The following RNGTT variants were observed in gnomAD, a reference collection of about 807,000 sequenced individuals.
The protein encoded by RNGTT is RNA guanylyltransferase and 5'-phosphatase, also known as mRNA-capping enzyme.
Under a neutral mutation model 79.3 loss-of-function variants are expected in RNGTT, and 33 were observed. The observed-to-expected ratio is 0.42, with a 90% CI of 0.32 to 0.56. The LOEUF (loss-of-function observed/expected upper bound fraction) is 0.56, where lower values mean the gene tolerates loss of function less well. RNGTT is among the 20% of genes least tolerant of loss of function. The pLI is 0.17. For missense variants in RNGTT, 497 were observed against 739.1 expected, an observed-to-expected ratio of 0.67 and a Z score of 3.80; for synonymous variants, 222 against 235.9, an observed-to-expected ratio of 0.94 and a Z score of 0.54.
chr6:88,736,754 G>A (rs1374438799), intron 13 of RNGTT, among the ~76,000 whole-genome samples: 1 of 152,158 alleles, frequency 6.6e-6, no homozygotes, highest in Non-Finnish European at 1.5e-5. Flanking sequence ...CAGATACACT[G>A]CCAGTGTGAA....
At chr6:88,657,109 CA>C (rs1774008272) in intron 14 of RNGTT, among the ~76,000 whole-genome samples, 2 of 152,218 alleles carry the variant, frequency 1.3e-5, no homozygotes, top group Admixed American at 1.3e-4. Flanking sequence ...ACCAAAGAAA[CA>C]TACCAGGAAA....
intron 14 of RNGTT, among the ~76,000 whole-genome samples, chr6:88,670,223 T>A (rs368558475): frequency 1.9e-4 from 29 of 152,336 alleles, no homozygotes; most frequent in African/African-American, 6.7e-4. Context: ...TGGCATGGAT[T>A]TGATCCTGGG....
intron 8 of RNGTT, among the ~76,000 whole-genome samples, chr6:88,856,689 TTA>T (rs1375333468): frequency 6.6e-6 from 1 of 152,150 alleles, no homozygotes; most frequent in East Asian, 1.9e-4. Context: ...GCTATGATTT[TTA>T]GTTTGAACTC....
chr6:88,930,031 C>CAT (rs1316962954), intron 2 of RNGTT, among the ~76,000 whole-genome samples: 1 of 143,288 alleles, frequency 7.0e-6, no homozygotes. Context: ...CACATATATG[C>CAT]ATATATATGC....
At chr6:88,927,537 C>T (rs1784360779) in intron 4 of RNGTT, among the ~76,000 whole-genome samples, 2 of 152,076 alleles carry the variant, frequency 1.3e-5, no homozygotes, top group South Asian at 4.2e-4. Flanking sequence ...TGGCACATGC[C>T]TGTAATCCCA....
chr6:88,902,079 T>C (rs1783488724), intron 6 of RNGTT, among the ~76,000 whole-genome samples: 1 of 152,054 alleles, frequency 6.6e-6, no homozygotes, highest in African/African-American at 2.4e-5. Context: ...TCACAGCTAC[T>C]CAGGAGGCTG....
chr6:88,881,960 T>C (rs989166122), intron 8 of RNGTT, among the ~76,000 whole-genome samples: 4 of 152,206 alleles, frequency 2.6e-5, no homozygotes, highest in South Asian at 2.1e-4. Context: ...TTTGGAGACA[T>C]TTTTACTTTC....
At chr6:88,774,129 C>CA (rs1244708344) in intron 12 of RNGTT, among the ~76,000 whole-genome samples, 2 of 151,754 alleles carry the variant, frequency 1.3e-5, no homozygotes, top group African/African-American at 4.8e-5. Flanking sequence ...AACTTAACAA[C>CA]AAAAAAACCC....
chr6:88,713,169 A>AG (rs1276515753), intron 13 of RNGTT, among the ~76,000 whole-genome samples: 2 of 152,174 alleles, frequency 1.3e-5, no homozygotes, highest in African/African-American at 4.8e-5. Flanking sequence ...TCATGAGAGT[A>AG]GAATCCTCAT....
intron 13 of RNGTT, among the ~76,000 whole-genome samples, chr6:88,719,810 T>C (rs1331238547): frequency 6.6e-6 from 1 of 152,238 alleles, no homozygotes; most frequent in East Asian, 1.9e-4. Flanking sequence ...AAAGTACATA[T>C]TATCATAAAA....
intron 13 of RNGTT, among the ~76,000 whole-genome samples, chr6:88,738,344 T>C (rs941301062): frequency 2.0e-5 from 3 of 152,040 alleles, no homozygotes; most frequent in African/African-American, 7.2e-5. Context: ...GACAACTAAA[T>C]GTAATGCAGT....
At chr6:88,704,276 A>ACAAAC (rs1562206088) in intron 13 of RNGTT, among the ~76,000 whole-genome samples, 1 of 147,570 alleles carries the variant, frequency 6.8e-6, no homozygotes, top group African/African-American at 2.6e-5. Context: ...AAAAAAAAAA[A>ACAAAC]AAAAAAAAAA....
intron 14 of RNGTT, among the ~76,000 whole-genome samples, chr6:88,648,821 C>T (rs906238760): frequency 3.9e-5 from 6 of 152,308 alleles, no homozygotes; most frequent in East Asian, 3.9e-4. Flanking sequence ...AGGCATCTGA[C>T]ACATCACATC....
chr6:88,790,364 C>A (rs370765435), intron 12 of RNGTT, among the ~76,000 whole-genome samples: 2 of 152,084 alleles, frequency 1.3e-5, no homozygotes, highest in Non-Finnish European at 1.5e-5. Context: ...TCCTCCACTG[C>A]GGGCAAAAGG....
chr6:88,760,308 T>C (rs1431332676), intron 13 of RNGTT, among the ~76,000 whole-genome samples: 1 of 152,144 alleles, frequency 6.6e-6, no homozygotes, highest in African/African-American at 2.4e-5. Context: ...CAAGAGTTAC[T>C]AATACCCAAG....
intron 12 of RNGTT, among the ~76,000 whole-genome samples, chr6:88,772,228 T>C (rs1343946791): frequency 6.6e-6 from 1 of 150,974 alleles, no homozygotes; most frequent in African/African-American, 2.4e-5. Context: ...TATGTAGGAA[T>C]TAATTTAACC....
intron 8 of RNGTT, among the ~76,000 whole-genome samples, chr6:88,858,710 A>G (rs1436988961): frequency 6.6e-6 from 1 of 152,198 alleles, no homozygotes; most frequent in Non-Finnish European, 1.5e-5. Flanking sequence ...CTGATATTAA[A>G]ATTTAGACAA....
intron 14 of RNGTT, among the ~76,000 whole-genome samples, chr6:88,673,293 A>T (rs140322741): frequency 1.3e-5 from 2 of 152,356 alleles, no homozygotes; most frequent in Admixed American, 1.3e-4. Context: ...GTTATATCTC[A>T]TATTTATGAC....
At chr6:88,784,756 T>C (rs959403956) in intron 12 of RNGTT, among the ~76,000 whole-genome samples, 1 of 152,186 alleles carries the variant, frequency 6.6e-6, no homozygotes, top group African/African-American at 2.4e-5. Context: ...TAATAAACCC[T>C]ATCTTTTTGC....
Sources: allele counts gnomAD v4.1 joint callset (sites outside exome capture counted in the v4.1 genomes callset), GRCh38; gene constraint gnomAD v4.1.1; transcripts MANE v1.5; gene names NCBI Gene and HGNC (gene_info 2026-07-23, HGNC 2026-07-21).